The following L3HYPDH variants were observed in gnomAD, a reference collection of about 807,000 sequenced individuals.
L3HYPDH encodes the protein trans-3-hydroxy-L-proline dehydratase.
A neutral mutation model predicts 26.5 loss-of-function variants in L3HYPDH; 32 were observed. That is an observed-to-expected ratio of 1.21 (90% CI 0.91 to 1.62). L3HYPDH has a LOEUF of 1.62. Among genes scored for constraint, L3HYPDH ranks in the 40% most tolerant of loss-of-function variants. L3HYPDH has a pLI of 0.00. For synonymous variants in L3HYPDH, 215 were observed against 196.6 expected, an observed-to-expected ratio of 1.09 and a Z score of -0.78; for missense variants, 554 against 476.4, an observed-to-expected ratio of 1.16 and a Z score of -1.52.
chr14:59,473,508 T>C, intron 4 of L3HYPDH, among the ~76,000 whole-genome samples: 1 of 152,176 alleles, frequency 6.6e-6, no homozygotes, highest in Non-Finnish European at 1.5e-5. Flanking sequence ...AGTTTCTAGC[T>C]TGGAAATGAT....
downstream of L3HYPDH, among the ~76,000 whole-genome samples, chr14:59,469,479 C>T (rs552280834): frequency 9.6e-5 from 14 of 146,120 alleles, no homozygotes; most frequent in African/African-American, 2.0e-4. Context: ...CGCTTGAACC[C>T]GGGAAGCAGA....
chr14:59,489,637 G>A, the L3HYPDH span, among the ~76,000 whole-genome samples: 1 of 152,160 alleles, frequency 6.6e-6, no homozygotes, highest in Admixed American at 6.5e-5. Flanking sequence ...CTACCCTTCA[G>A]TTTCAGTTTT....
the L3HYPDH span, chr14:59,498,733 C>T: frequency 8.1e-6 from 12 of 1,480,934 alleles, no homozygotes; most frequent in African/African-American, 1.4e-4. Context: ...ACAGATATAC[C>T]ATTGTATTTA....
the L3HYPDH span, chr14:59,504,061 A>G: frequency 4.4e-6 from 7 of 1,608,370 alleles, no homozygotes; most frequent in Non-Finnish European, 5.1e-6. Context: ...AGAAGGAGCC[A>G]ATGGACACTG....
the L3HYPDH span, among the ~76,000 whole-genome samples, chr14:59,493,321 ACAGC>A: frequency 6.6e-6 from 1 of 152,200 alleles, no homozygotes; most frequent in Non-Finnish European, 1.5e-5. Flanking sequence ...CTTCCAGCTA[ACAGC>A]CAGCACTTAC....
chr14:59,483,991 A>C lies in L3HYPDH; in HGVS notation c.326T>G (p.Leu109Arg). The change falls in exon 1 of 5, where the codon CTG becomes CGG. Residue 109 changes from leucine to arginine, a missense_variant. Transcript: ENST00000247194. ...GTCCAAAGCGAAGCGGCCCAGCGCC[A>C]GCACTGCGTGGCCGCACATGGAGCT... ...GYSSMCGHAV[L>R]ALGRFALDFG... The C allele has an allele frequency of 6.3e-7, 1 of 1,591,108 alleles. No individual in the cohort carries two copies. Among genetic ancestry groups the C allele is most frequent in the Non-Finnish European group, 8.5e-7 (1 of 1,173,844 alleles).
At chr14:59,501,309 A>G in the L3HYPDH span, 1 of 1,253,336 alleles carries the variant, frequency 8.0e-7, no homozygotes, top group East Asian at 2.3e-5. Flanking sequence ...TTTTTGATAA[A>G]TTTGACAATT....
intron 4 of L3HYPDH, among the ~76,000 whole-genome samples, chr14:59,473,559 A>G (rs888703126): frequency 6.6e-6 from 1 of 152,216 alleles, no homozygotes; most frequent in Non-Finnish European, 1.5e-5. Context: ...AGAAAGGAAG[A>G]GCACATTTGA....
At chr14:59,472,159 AG>A (rs1889329517), downstream of L3HYPDH, among the ~76,000 whole-genome samples, 2 of 152,246 alleles carry the variant, frequency 1.3e-5, no homozygotes, top group African/African-American at 4.8e-5. Context: ...ACAGGCTCAT[AG>A]GAAGTATTAA....
chr14:59,482,148 C>T (rs780879800), intron 1 of L3HYPDH, among the ~76,000 whole-genome samples: 85 of 152,260 alleles, frequency 5.6e-4, no homozygotes, highest in Middle Eastern at 3.4e-3. Flanking sequence ...AACTCAGCAA[C>T]CCTCTGAGGT....
chr14:59,495,551 ATAAG>A, the L3HYPDH span, among the ~76,000 whole-genome samples: 1 of 152,166 alleles, frequency 6.6e-6, no homozygotes, highest in Middle Eastern at 3.2e-3. Flanking sequence ...TTCTCCCCAA[ATAAG>A]TGTAATTTCT....
chr14:59,469,275 C>T (rs1889257361), downstream of L3HYPDH, among the ~76,000 whole-genome samples: 1 of 152,046 alleles, frequency 6.6e-6, no homozygotes, highest in African/African-American at 2.4e-5. Context: ...GAAGGGGAGG[C>T]CAGGCGCGGT....
intron 1 of L3HYPDH, among the ~76,000 whole-genome samples, chr14:59,480,434 T>G (rs1294410883): frequency 6.6e-6 from 1 of 152,166 alleles, no homozygotes; most frequent in African/African-American, 2.4e-5. Flanking sequence ...CTGTGTAAGC[T>G]GAGGACTGAA....
chr14:59,482,504 T>C (rs973944245), intron 1 of L3HYPDH, among the ~76,000 whole-genome samples: 1 of 152,214 alleles, frequency 6.6e-6, no homozygotes, highest in Non-Finnish European at 1.5e-5. Flanking sequence ...GTGTTTCTAC[T>C]CTGCTGCTGG....
In L3HYPDH at chr14:59,476,119, G is replaced by T. The variant is rs1364130305; in HGVS notation, c.774C>A (p.Thr258=). 2.5e-6 allele frequency: 4 copies of T among 1,613,766 alleles called. No homozygotes were observed. In the African/African-American group the frequency reaches 5.3e-5, roughly 22 times the overall value. The change falls in exon 3 of 5, where the codon ACC becomes ACA. Residue 258 remains threonine, a synonymous_variant. Transcript: ENST00000247194. ...GTTCATCTGCAAAAACACAAATGTT[G>T]GTGGTTGGTTCCTTGGTATAAGCAT... ...GKDAYTKEPT[T]NICVFADEQV...
chr14:59,484,802 C>T (rs1247151399), upstream of L3HYPDH: 1 of 916,592 alleles, frequency 1.1e-6, no homozygotes, highest in African/African-American at 1.7e-5. Flanking sequence ...GGCGCGCTGT[C>T]TGCGGCGAAA....
At chr14:59,495,965 G>A in the L3HYPDH span, among the ~76,000 whole-genome samples, 3 of 152,154 alleles carry the variant, frequency 2.0e-5, no homozygotes, top group African/African-American at 7.2e-5. Flanking sequence ...GCAGTGGCAC[G>A]AGATCTCAGC....
At chr14:59,494,886 A>C in the L3HYPDH span, 1 of 637,824 alleles carries the variant, frequency 1.6e-6, no homozygotes, top group African/African-American at 1.8e-5. Flanking sequence ...TGAGAAAAAA[A>C]GGTTATACTC....
the L3HYPDH span, chr14:59,504,931 T>G: frequency 5.0e-6 from 1 of 200,120 alleles, no homozygotes; most frequent in Non-Finnish European, 1.0e-5. Context: ...ATAAAAAGGG[T>G]TTTCCTGTGG....
Sources: gnomAD v4.1 joint callset for allele counts (sites outside exome capture counted in the v4.1 genomes callset) on GRCh38, gnomAD v4.1.1 for gene constraint, MANE v1.5 for transcripts, NCBI Gene and HGNC (gene_info 2026-07-23, HGNC 2026-07-21) for gene names.